Variants in PTPRN2 observed in about 807,000 individuals in gnomAD.
The protein encoded by PTPRN2 is receptor-type tyrosine-protein phosphatase N2.
PTPRN2 carries 74 observed loss-of-function variants against 118.8 expected under a neutral mutation model. The observed-to-expected ratio is 0.62, with a 90% confidence interval of 0.52 to 0.76. The LOEUF is 0.76. PTPRN2 is among the 30% of genes least tolerant of loss of function. The pLI is 0.00. For missense variants in PTPRN2, 1,481 were observed against 1,394.4 expected (o/e 1.06, Z -0.99); for synonymous variants, 641 against 608.0 (o/e 1.05, Z -0.80).
chr7:157,928,236 C>T (rs1799141026), intron 11 of PTPRN2, among the ~76,000 whole-genome samples: 1 of 152,200 alleles, frequency 6.6e-6, no homozygotes, highest in African/African-American at 2.4e-5. Context: ...CCAGAGCCCA[C>T]ACTCAGCCAT....
chr7:158,168,954 A>T (rs1280230886), intron 5 of PTPRN2, among the ~76,000 whole-genome samples: 2 of 152,228 alleles, frequency 1.3e-5, no homozygotes, highest in Admixed American at 1.3e-4. Flanking sequence ...TGGACACACA[A>T]GCTGAGCTCC....
intron 3 of PTPRN2, among the ~76,000 whole-genome samples, chr7:158,283,247 G>A (rs1488290679): frequency 1.3e-5 from 2 of 152,230 alleles, no homozygotes; most frequent in East Asian, 1.9e-4. Flanking sequence ...GCCGTCACAG[G>A]TAAACAAACT....
At chr7:158,425,586 A>T (rs113506648) in intron 2 of PTPRN2, among the ~76,000 whole-genome samples, 1 of 37,346 alleles carries the variant, frequency 2.7e-5, no homozygotes, top group Non-Finnish European at 5.4e-5. Flanking sequence ...AGCCTAGCTG[A>T]GGCCTGCGCA....
intron 17 of PTPRN2, among the ~76,000 whole-genome samples, chr7:157,588,304 C>G (rs1218898276): frequency 6.6e-6 from 1 of 152,210 alleles, no homozygotes; most frequent in Non-Finnish European, 1.5e-5. Context: ...TGACTCGAGC[C>G]GCGTAGCACA....
rs369465307 is a variant in PTPRN2, at chr7:158,532,743, C to T, written c.113-42958G>A. The T allele has an allele frequency of 3.9e-5, 21 of 534,654 alleles. 1 individual carries two copies. The highest frequency in any genetic ancestry group is 1.4e-4 in the South Asian group (10 of 71,594). The allele number at this position is 534,654 out of a possible 1,614,324, so 33.1% of individuals were successfully genotyped here. ...ACAGGCGCTTCCTCCAGACACACCA[C>T]GGCACACTTCAACCTGTTCCTTACA... On this transcript the variant is annotated intron_variant, in intron 1 of 22. Transcript: ENST00000389418.
Position 158,040,736 on chromosome 7 carries a change from CTT to C in PTPRN2, c.1723+40560_1723+40561del, listed in dbSNP as rs58192875. Among the ~76,000 whole-genome samples the C allele has an allele frequency of 1.4e-3, 196 of 142,202 alleles. 4 individuals are homozygous for C. The highest frequency in any genetic ancestry group is 4.8e-3 in the African/African-American group (182 of 38,288). The allele number at this position is 142,202 out of a possible 152,430, so 93.3% of individuals were successfully genotyped here. On this transcript the variant is annotated intron_variant, in intron 11 of 22. Transcript: ENST00000389418. ...TTGATCTGCCTTTCTTTTTTTCTTT[CTT>C]TTTTTTTTTTTTGAGATGGAATCTC...
At chr7:157,969,630 T>C (rs557594870) in intron 11 of PTPRN2, among the ~76,000 whole-genome samples, 63 of 151,816 alleles carry the variant, frequency 4.1e-4, no homozygotes, top group Middle Eastern at 3.4e-3. Context: ...GGAAGGAAGC[T>C]GTGGACAGGG....
At chr7:158,158,397 C>T (rs575527277) in intron 6 of PTPRN2, among the ~76,000 whole-genome samples, 1 of 152,240 alleles carries the variant, frequency 6.6e-6, no homozygotes, top group African/African-American at 2.4e-5. Flanking sequence ...GGGCACCCCA[C>T]CAGCCAACGC....
chr7:158,474,238 C>T (rs1820077969), intron 2 of PTPRN2, among the ~76,000 whole-genome samples: 2 of 152,160 alleles, frequency 1.3e-5, no homozygotes, highest in African/African-American at 4.8e-5. Flanking sequence ...GCTCCTTCAT[C>T]AAAAAGCGGA....
chr7:157,777,394 G>C (rs113701241), intron 12 of PTPRN2, among the ~76,000 whole-genome samples: 1 of 132,974 alleles, frequency 7.5e-6, no homozygotes, highest in Non-Finnish European at 1.8e-5. Flanking sequence ...CGGAGGACAC[G>C]CAGTGCCCCA....
chr7:158,187,299 G>A (rs531529254), intron 5 of PTPRN2, among the ~76,000 whole-genome samples: 3 of 152,336 alleles, frequency 2.0e-5, no homozygotes, highest in East Asian at 1.9e-4. Flanking sequence ...CTCCATCTAC[G>A]CTAGAGTTTC....
rs1207215948 is a variant in PTPRN2, at chr7:158,112,403, A to G, written c.1557-1488T>C. Among the ~76,000 whole-genome samples, 3 of 152,172 alleles carry G rather than the reference A, an allele frequency of 2.0e-5. No homozygotes were observed. In the East Asian group the frequency reaches 5.8e-4, roughly 29 times the overall value. ...GGGGCCGCGGTGCCACATGGTGAGG[A>G]GGTGAAGTCACAGAGCAGCTGGGTG... On this transcript the variant is annotated intron_variant, in intron 9 of 22. Coordinates refer to ENST00000389418, the MANE Select transcript of PTPRN2 (RefSeq NM_002847.5).
chr7:158,170,396 C>G (rs1006488316), intron 5 of PTPRN2, among the ~76,000 whole-genome samples: 9 of 152,190 alleles, frequency 5.9e-5, no homozygotes, highest in Admixed American at 1.3e-4. Context: ...CGCAAAGGGC[C>G]TTTAATTAAA....
chr7:157,552,168 C>T (rs534080384), intron 21 of PTPRN2, among the ~76,000 whole-genome samples: 24 of 152,288 alleles, frequency 1.6e-4, no homozygotes, highest in East Asian at 5.8e-4. Flanking sequence ...ACGGCCACCA[C>T]GCACCACATT....
At chr7:158,450,029 G>A (rs1186392291) in intron 2 of PTPRN2, among the ~76,000 whole-genome samples, 2 of 152,168 alleles carry the variant, frequency 1.3e-5, no homozygotes, top group East Asian at 3.9e-4. Flanking sequence ...CTGGGATGGG[G>A]GTGCCAGCAC....
At chr7:158,273,410 GCAGA>G (rs10601052) in intron 3 of PTPRN2, among the ~76,000 whole-genome samples, 12,345 of 104,272 alleles carry the variant, frequency 0.12, 1,015 homozygotes, top group African/African-American at 0.18. Flanking sequence ...GGGAGGAGCC[GCAGA>G]CAGACGCGGG....
At position 157,615,264 on chromosome 7, in the gene PTPRN2, C is replaced by T. The variant is rs892577245; in HGVS notation, c.2344+6098G>A. 3 of 351,180 alleles carry T rather than the reference C, an allele frequency of 8.5e-6. No homozygotes were observed. The highest frequency in any genetic ancestry group is 6.4e-5 in the African/African-American group (3 of 46,638). The allele number at this position is 351,180 out of a possible 1,614,324, so 21.8% of individuals were successfully genotyped here. ...GGAGGAAGTCATGCTAAGCCAGCCA[C>T]ACTTCTGCTCCAGAGAGGGCCCTGC... On this transcript the variant is annotated intron_variant, in intron 15 of 22. Transcript: ENST00000389418. This position sits in a 1 kb window ranked among gnomAD's most constrained non-coding sequence, Gnocchi z 4.3.
intron 12 of PTPRN2, among the ~76,000 whole-genome samples, chr7:157,850,200 T>C (rs1809163793): frequency 6.6e-6 from 1 of 152,184 alleles, no homozygotes; most frequent in South Asian, 2.1e-4. Flanking sequence ...AGAAACATGA[T>C]GTGGTCAGAT....
In PTPRN2 at chr7:157,874,827, A is replaced by G. The variant is rs1348443925; in HGVS notation, c.1788+23846T>C. ...CAGAGACACACTCATGGACACACAC[A>G]GAGACACACTCATGCACATATACAC... is the stretch of plus-strand genomic sequence containing the variant. On this transcript the variant is annotated intron_variant, in intron 12 of 22. Coordinates refer to ENST00000389418, the MANE Select transcript of PTPRN2 (RefSeq NM_002847.5). This position sits in a 1 kb window ranked among gnomAD's most constrained non-coding sequence, Gnocchi z 5.8. Among the ~76,000 whole-genome samples, 1 of 140,590 alleles carries G rather than the reference A, an allele frequency of 7.1e-6. No homozygotes were observed. Among genetic ancestry groups the G allele is most frequent in the Non-Finnish European group, 1.6e-5 (1 of 62,350 alleles). The allele number at this position is 140,590 out of a possible 152,430, so 92.2% of individuals were successfully genotyped here. A position where few individuals can be genotyped will look rare whatever the true frequency, so the allele number is the denominator to read the frequency against.
Sources: allele counts gnomAD v4.1 joint callset (sites outside exome capture counted in the v4.1 genomes callset), GRCh38; gene constraint gnomAD v4.1.1; non-coding constraint Gnocchi (gnomAD v3.1); transcripts MANE v1.5; gene names NCBI Gene and HGNC (gene_info 2026-07-23, HGNC 2026-07-21).